LMCD1: variants seen among roughly 807,000 people sequenced by gnomAD.
LMCD1 encodes LIM and cysteine-rich domains protein 1.
Under a neutral mutation model 42.7 loss-of-function variants are expected in LMCD1, and 32 were observed. That is an observed-to-expected ratio of 0.75 (90% CI 0.57 to 1.01). The LOEUF is 1.01. LMCD1 is among the 50% of genes least tolerant of loss of function. LMCD1 has a pLI of 0.00. For missense variants in LMCD1, 458 were observed against 483.1 expected (o/e 0.95, Z 0.49); for synonymous variants, 178 against 184.9 (o/e 0.96, Z 0.30).
chr3:8,560,613 GAAGCCAGAC>G (rs1695017542), intron 4 of LMCD1, among the ~76,000 whole-genome samples: 1 of 152,172 alleles, frequency 6.6e-6, no homozygotes, highest in African/African-American at 2.4e-5. Flanking sequence ...GTAGAAATAA[GAAGCCAGAC>G]AGACAACTCA....
At chr3:8,556,399 C>A (rs56091766) in intron 4 of LMCD1, among the ~76,000 whole-genome samples, 1 of 148,986 alleles carries the variant, frequency 6.7e-6, no homozygotes, top group African/African-American at 2.5e-5. Flanking sequence ...TTTTTTTTTT[C>A]AGGAGTGTGT....
intron 1 of LMCD1, among the ~76,000 whole-genome samples, chr3:8,505,500 A>G (rs921927959): frequency 1.3e-5 from 2 of 152,256 alleles, no homozygotes; most frequent in South Asian, 2.1e-4. Flanking sequence ...ACTGAAGCCT[A>G]TTAGGCTCTG....
Position 8,568,332 on chromosome 3 carries a change from G to A in LMCD1, c.*734G>A, listed in dbSNP as rs117557968. The A allele has an allele frequency of 6.6e-5, 10 of 152,244 alleles. No individual in the cohort carries two copies. In the East Asian group the frequency reaches 1.7e-3, roughly 26 times the overall value. 9.4% of individuals were successfully genotyped at this position (152,244 alleles called of 1,614,324 possible). On this transcript the variant is annotated 3_prime_UTR_variant, in exon 6 of 6. Transcript: ENST00000157600. ...ATGTAACAAAGGTATCATGTTTTAT[G>A]GTACACTGAAAAGTGGCCTGCTGGG...
At chr3:8,542,316 G>C (rs2125028145) in intron 3 of LMCD1, among the ~76,000 whole-genome samples, 1 of 152,194 alleles carries the variant, frequency 6.6e-6, no homozygotes, top group African/African-American at 2.4e-5. Context: ...CTGGAGCTTT[G>C]AGCTGCAAAA....
chr3:8,519,822 G>A (rs114608441), intron 1 of LMCD1, among the ~76,000 whole-genome samples: 1 of 152,040 alleles, frequency 6.6e-6, no homozygotes, highest in African/African-American at 2.4e-5. Context: ...ACATCTTGCT[G>A]AAGGCACTAC....
chr3:8,501,905 G>A lies in LMCD1; in HGVS notation c.-34G>A. ...TGCGCGCCCTCGCGCCTCTGCCTGA[G>A]AAGCCAGGCGCTGTTCCCCCACCCC... On this transcript the variant is annotated 5_prime_UTR_variant, in exon 1 of 6. Coordinates refer to ENST00000157600, the MANE Select transcript of LMCD1 (RefSeq NM_014583.4). 1 of 1,579,098 alleles carries A rather than the reference G, an allele frequency of 6.3e-7. No homozygotes were observed.
At chr3:8,544,034 T>C (rs966430310) in intron 3 of LMCD1, among the ~76,000 whole-genome samples, 1 of 152,186 alleles carries the variant, frequency 6.6e-6, no homozygotes, top group Admixed American at 6.5e-5. Context: ...GCACAGGGGC[T>C]TCTGCTCGTC....
chr3:8,539,402 T>G (rs1559351984), intron 3 of LMCD1, among the ~76,000 whole-genome samples: 1 of 152,176 alleles, frequency 6.6e-6, no homozygotes, highest in African/African-American at 2.4e-5. Flanking sequence ...TTTCAAAAGT[T>G]TTTAGTACTA....
Position 8,574,080 on chromosome 3 carries a change from C to T in LMCD1, c.*6482C>T, listed in dbSNP as rs1695262080. 1 of 152,192 alleles carries T rather than the reference C, an allele frequency of 6.6e-6. No homozygotes were observed. The highest frequency in any genetic ancestry group is 2.4e-5 in the African/African-American group (1 of 41,442). 9.4% of individuals were successfully genotyped at this position (152,192 alleles called of 1,614,324 possible). On this transcript the variant is annotated 3_prime_UTR_variant, in exon 6 of 6. Transcript: ENST00000157600. ...CACACTGGCTTTATTCTTAGGTAGG[C>T]TTACCCAGATAGTCATAAACACAGC...
At chr3:8,540,954 G>C (rs184815350) in intron 3 of LMCD1, among the ~76,000 whole-genome samples, 1 of 151,952 alleles carries the variant, frequency 6.6e-6, no homozygotes, top group Admixed American at 6.6e-5. Flanking sequence ...ACTTCTTATC[G>C]GCCCTCAGGA....
At position 8,501,858 on chromosome 3, in the gene LMCD1, A is replaced by G. The variant is rs1693729200; in HGVS notation, c.-81A>G. ...CCCTCCCAGGCCCGCGAACTTGGCCATTCAGCCGCCGCTGTCCCCGCTGCG... is the reference window on the plus strand; with the variant it reads ...CCCTCCCAGGCCCGCGAACTTGGCCGTTCAGCCGCCGCTGTCCCCGCTGCG... On this transcript the variant is annotated 5_prime_UTR_variant, in exon 1 of 6. Transcript: ENST00000157600. The G allele has an allele frequency of 7.3e-7, 1 of 1,370,960 alleles. No homozygotes were observed. The highest frequency in any genetic ancestry group is 1.0e-6 in the Non-Finnish European group (1 of 992,656). 84.9% of individuals were successfully genotyped at this position (1,370,960 alleles called of 1,614,324 possible). A position where few individuals can be genotyped will look rare whatever the true frequency, so the allele number is the denominator to read the frequency against.
intron 4 of LMCD1, among the ~76,000 whole-genome samples, chr3:8,556,622 C>T (rs1441987594): frequency 1.3e-5 from 2 of 152,180 alleles, no homozygotes; most frequent in Admixed American, 6.5e-5. Context: ...GGAGCACCCA[C>T]GCAGTTCTAA....
At chr3:8,515,242 T>A (rs1164735737) in intron 1 of LMCD1, among the ~76,000 whole-genome samples, 1 of 152,128 alleles carries the variant, frequency 6.6e-6, no homozygotes, top group Admixed American at 6.5e-5. Flanking sequence ...ATGGGTCCCT[T>A]TTCAGCCACA....
At chr3:8,527,051 T>C (rs189325687) in intron 1 of LMCD1, among the ~76,000 whole-genome samples, 1 of 152,310 alleles carries the variant, frequency 6.6e-6, no homozygotes, top group East Asian at 1.9e-4. Context: ...TGTTGAATCT[T>C]GAAGAAGAGC....
At chr3:8,524,909 T>A (rs371786858) in intron 1 of LMCD1, among the ~76,000 whole-genome samples, 12 of 152,116 alleles carry the variant, frequency 7.9e-5, no homozygotes, top group African/African-American at 2.9e-4. Flanking sequence ...GGTCTCAAAC[T>A]CCTGGGCTCA....
intron 1 of LMCD1, among the ~76,000 whole-genome samples, chr3:8,503,350 TA>T (rs780507506): frequency 2.0e-5 from 3 of 152,238 alleles, no homozygotes; most frequent in Non-Finnish European, 4.4e-5. Context: ...TGGATCCTTC[TA>T]AATGTGGGTA....
intron 3 of LMCD1, among the ~76,000 whole-genome samples, chr3:8,547,658 C>T (rs914117100): frequency 3.9e-5 from 6 of 152,108 alleles, no homozygotes; most frequent in African/African-American, 7.2e-5. Context: ...TTTGGGAGAC[C>T]GAGGCGGGTG....
At chr3:8,503,664 C>A (rs1261522712) in intron 1 of LMCD1, among the ~76,000 whole-genome samples, 1 of 152,166 alleles carries the variant, frequency 6.6e-6, no homozygotes, top group Non-Finnish European at 1.5e-5. Context: ...GAATATCTGT[C>A]CAGCTAAGAC....
intron 3 of LMCD1, among the ~76,000 whole-genome samples, chr3:8,544,090 G>A (rs937940095): frequency 1.1e-4 from 17 of 152,126 alleles, no homozygotes; most frequent in Admixed American, 8.5e-4. Flanking sequence ...GGAATCCACC[G>A]TCTCCTTCCC....
Sources: gnomAD v4.1 joint callset for allele counts (sites outside exome capture counted in the v4.1 genomes callset) on GRCh38, gnomAD v4.1.1 for gene constraint, MANE v1.5 for transcripts, NCBI Gene and HGNC (gene_info 2026-07-23, HGNC 2026-07-21) for gene names.